Variants in DYNC1H1 observed in about 807,000 individuals in gnomAD.
DYNC1H1 encodes the protein cytoplasmic dynein 1 heavy chain 1.
In DYNC1H1, 51 loss-of-function variants were observed where a neutral mutation model predicts 527.1. The observed-to-expected ratio is 0.10, with a 90% confidence interval of 0.08 to 0.12. The LOEUF (loss-of-function observed/expected upper bound fraction) is 0.12, where lower values mean the gene tolerates loss of function less well. Ranked by LOEUF, DYNC1H1 falls within the 10% of genes least tolerant of loss-of-function variation. The pLI is 1.00. For missense variants in DYNC1H1, 2,771 were observed against 5,971.8 expected (o/e 0.46, Z 17.66); for synonymous variants, 2,189 against 2,278.8 (o/e 0.96, Z 1.12).
rs1368000697 is a variant in DYNC1H1 at position 102,038,097 on chromosome 14, C to T, written c.10909-363C>T. On this transcript the variant is annotated intron_variant, in intron 57 of 77. Coordinates refer to ENST00000360184, the MANE Select transcript of DYNC1H1 (RefSeq NM_001376.5). The surrounding 1 kb of genome is among the most constrained non-coding windows in gnomAD (Gnocchi z 7.2). ...CCAGGTTCAAGCAATTCTGTCTCAG[C>T]CTCCCAGGTAGCTGGGACTACAGGC... 8.5e-6 allele frequency: 3 copies of T among 352,634 alleles called. No homozygotes were observed. The Admixed American group carries it at 1.2e-4, about 14-fold the overall frequency. The allele number at this position is 352,634 out of a possible 1,614,324, so 21.8% of individuals were successfully genotyped here. A position where few individuals can be genotyped will look rare whatever the true frequency, so the allele number is the denominator to read the frequency against.
chr14:102,032,560 C>G lies in DYNC1H1; in HGVS notation c.10079+93C>G, dbSNP rs17541394. The G allele has an allele frequency of 2.8e-3, 4,239 of 1,529,238 alleles. 111 individuals are homozygous for G. In the African/African-American group the frequency reaches 0.052, roughly 19 times the overall value. 94.7% of individuals were successfully genotyped at this position (1,529,238 alleles called of 1,614,324 possible). On this transcript the variant is annotated intron_variant, in intron 52 of 77. Coordinates refer to ENST00000360184, the MANE Select transcript of DYNC1H1 (RefSeq NM_001376.5). Reference sequence around the variant, plus strand: ...CTCACGCCTCCAATCCCAGAACTTTCGGCTGTTCAGGCCAGGCACAGTGGC... The same window carrying G: ...CTCACGCCTCCAATCCCAGAACTTTGGGCTGTTCAGGCCAGGCACAGTGGC...
rs2048271825 is a variant in DYNC1H1, at chr14:102,012,738, A to AT, written c.7014+269dup. On this transcript the variant is annotated intron_variant, in intron 34 of 77. Transcript: ENST00000360184. This position sits in a 1 kb window ranked among gnomAD's most constrained non-coding sequence, Gnocchi z 4.9. ...CTCTATGATTATCAGTTAACCCTGTATGGTGGGGTTGTCGTTAAGGTTTCT... is the reference window on the plus strand; with the variant it reads ...CTCTATGATTATCAGTTAACCCTGTATTGGTGGGGTTGTCGTTAAGGTTTCT... 6.0e-6 allele frequency: 3 copies of AT among 500,388 alleles called. No individual in the cohort carries two copies. In the Admixed American group the frequency reaches 9.8e-5, roughly 16 times the overall value. 31.0% of individuals were successfully genotyped at this position (500,388 alleles called of 1,614,324 possible).
At chr14:101,998,661 GT>G (rs1372413058) in intron 16 of DYNC1H1, among the ~76,000 whole-genome samples, 3 of 151,988 alleles carry the variant, frequency 2.0e-5, no homozygotes, top group African/African-American at 7.3e-5. Context: ...GCCTGTAACC[GT>G]TTCCGTGCTG....
In DYNC1H1 at chr14:102,047,598, T is replaced by TAC. The variant is rs1358688328; in HGVS notation, c.13007-215_13007-214dup. The TAC allele has an allele frequency of 1.3e-4, 50 of 374,932 alleles. 1 individual carries two copies. The highest frequency in any genetic ancestry group is 1.0e-3 in the African/African-American group (44 of 43,046). 23.2% of individuals were successfully genotyped at this position (374,932 alleles called of 1,614,324 possible). ...ATACATACACATACGTATATATATA[T>TAC]ACACATATATGTATATATACACGTG... On this transcript the variant is annotated intron_variant, in intron 72 of 77. Transcript: ENST00000360184.
chr14:102,031,437 A>G (rs2048509369), intron 51 of DYNC1H1, among the ~76,000 whole-genome samples: 1 of 151,880 alleles, frequency 6.6e-6, no homozygotes, highest in African/African-American at 2.4e-5. Context: ...GTTTTGCCAT[A>G]TTGCCCAGGC....
At chr14:101,993,578 C>T (rs764275209) in intron 11 of DYNC1H1, among the ~76,000 whole-genome samples, 3 of 152,134 alleles carry the variant, frequency 2.0e-5, no homozygotes, top group Non-Finnish European at 4.4e-5. Context: ...GACTCTTGCC[C>T]CTGCGCCTTC....
Position 102,042,114 on chromosome 14 carries a change from A to G in DYNC1H1, c.12204A>G (p.Ser4068=). The G allele has an allele frequency of 6.2e-7, 1 of 1,614,052 alleles. No individual in the cohort carries two copies. The highest frequency in any genetic ancestry group is 8.5e-7 in the Non-Finnish European group (1 of 1,180,010). ...LAAEQNTQIT[S]IAIGSAEGFN... ...CCGAGCAGAACACGCAGATCACTTC[A>G]ATTGCAATCGGTAAGGATGCTTGAG... Residue 4068 remains serine, a synonymous_variant, in exon 66 of 78, where the codon TCA becomes TCG. Transcript: ENST00000360184. This position sits in a 1 kb window ranked among gnomAD's most constrained non-coding sequence, Gnocchi z 5.7.
intron 27 of DYNC1H1, 119 bp downstream of exon 27, chr14:102,006,289 C>T: frequency 6.9e-7 from 1 of 1,453,506 alleles, no homozygotes; most frequent in Non-Finnish European, 9.3e-7. Flanking sequence ...GGCTGGAGCA[C>T]AGTGGTGCGA....
chr14:102,007,623 G>A (rs917057060), intron 28 of DYNC1H1, among the ~76,000 whole-genome samples: 1 of 152,150 alleles, frequency 6.6e-6, no homozygotes, highest in Admixed American at 6.5e-5. Flanking sequence ...GTGGGAGTAG[G>A]TAGTAGTATT....
At chr14:102,013,272 A>G (rs74378930) in intron 34 of DYNC1H1, among the ~76,000 whole-genome samples, 2 of 150,274 alleles carry the variant, frequency 1.3e-5, no homozygotes, top group Admixed American at 1.3e-4. Context: ...AAAAAAAAAA[A>G]GGCAGGAAGA....
rs772273151 is a variant in DYNC1H1, at chr14:101,986,779, A to G, written c.2538+16A>G. ...CCAAGAAAAGGTATGCTCTCATGTA[A>G]TCCTCAGGTGTCCTGGTAACGAATG... On this transcript the variant is annotated intron_variant, in intron 8 of 77. Transcript: ENST00000360184. The surrounding 1 kb of genome is among the most constrained non-coding windows in gnomAD (Gnocchi z 8.7). 6.2e-7 allele frequency: 1 copy of G among 1,613,814 alleles called. No homozygotes were observed. Among genetic ancestry groups the G allele is most frequent in the South Asian group, 1.1e-5 (1 of 91,060 alleles).
In DYNC1H1 at chr14:102,054,564, CTTTTTT is replaced by C. The variant is rs758458056; in HGVS notation, c.*4018_*4023del. The C allele has an allele frequency of 2.6e-5, 3 of 113,822 alleles. No individual in the cohort carries two copies. The highest frequency in any genetic ancestry group is 7.7e-5 in the African/African-American group (2 of 25,992). The allele number at this position is 113,822 out of a possible 1,614,324, so 7.1% of individuals were successfully genotyped here. ...CATCACCAACAGAGCCTTTGCAGAA[CTTTTTT>C]TTTTTTTTTTTTTTTTGAGACGGAG... On this transcript the variant is annotated 3_prime_UTR_variant, in exon 78 of 78. Coordinates refer to ENST00000360184, the MANE Select transcript of DYNC1H1 (RefSeq NM_001376.5).
Position 102,036,489 on chromosome 14 carries a change from G to A in DYNC1H1, c.10755G>A (p.Arg3585=). The A allele has an allele frequency of 2.5e-6, 4 of 1,613,592 alleles. No individual in the cohort carries two copies. Among genetic ancestry groups the A allele is most frequent in the Non-Finnish European group, 3.4e-6 (4 of 1,179,920 alleles). ...TTCTCTTCTGTGGCCTCATCCTCAGGTATCCGCTGATCATTGACCCCTCTG... is the reference window on the plus strand; with the variant it reads ...TTCTCTTCTGTGGCCTCATCCTCAGATATCCGCTGATCATTGACCCCTCTG... The part of the protein sequence containing the change: ...ENAIMLKRFN[R]YPLIIDPSGQ... Residue 3585 remains arginine (R), a splice_region_variant and synonymous_variant, in exon 57 of 78, where the codon AGG becomes AGA. Coordinates refer to ENST00000360184, the MANE Select transcript of DYNC1H1 (RefSeq NM_001376.5). The surrounding 1 kb of genome is among the most constrained non-coding windows in gnomAD (Gnocchi z 5.6).
intron 15 of DYNC1H1, among the ~76,000 whole-genome samples, chr14:101,995,560 G>A (rs1392989757): frequency 6.7e-6 from 1 of 149,112 alleles, no homozygotes; most frequent in Non-Finnish European, 1.5e-5. Flanking sequence ...GCAGTGAGCC[G>A]AAATTGTGCC....
At position 102,032,477 on chromosome 14, in the gene DYNC1H1, T is replaced by G. The variant is rs988658776; in HGVS notation, c.10079+10T>G. On this transcript the variant is annotated intron_variant, in intron 52 of 77. Transcript: ENST00000360184. ...CTGCAGAGGAGATCAGGTGAGAAAG[T>G]GGAAGTGCCAAGGTATTGCCAGAAA... The G allele has an allele frequency of 1.2e-6, 2 of 1,613,840 alleles. No homozygotes were observed. Among genetic ancestry groups the G allele is most frequent in the African/African-American group, 2.7e-5 (2 of 74,904 alleles).
chr14:102,029,914 C>T lies in DYNC1H1; in HGVS notation c.9738C>T (p.Asp3246=). ...ACAAGCTGAAAAAGATGGTGAAAGACCAGCAGGAGGCTGAAAAGAAGAAGG... is the reference window on the plus strand; with the variant it reads ...ACAAGCTGAAAAAGATGGTGAAAGATCAGCAGGAGGCTGAAAAGAAGAAGG... ...ANDKLKKMVK[D]QQEAEKKKVM... Residue 3246 remains aspartate, a synonymous_variant, in exon 50 of 78, where the codon GAC becomes GAT. Coordinates refer to ENST00000360184, the MANE Select transcript of DYNC1H1 (RefSeq NM_001376.5). This position sits in a 1 kb window ranked among gnomAD's most constrained non-coding sequence, Gnocchi z 5.3. 1 of 1,614,052 alleles carries T rather than the reference C, an allele frequency of 6.2e-7. No homozygotes were observed. Among genetic ancestry groups the T allele is most frequent in the Non-Finnish European group, 8.5e-7 (1 of 1,180,020 alleles).
chr14:101,983,495 G>A lies in DYNC1H1; in HGVS notation c.1347G>A (p.Val449=), dbSNP rs2047891743. ...KRKREENLKM[V]WRINPAHRKL... Reference sequence around the variant, plus strand: ...AAAGGGAAGAAAATCTGAAGATGGTGTGGCGTATCAACCCTGCCCACAGGA... The same window carrying A: ...AAAGGGAAGAAAATCTGAAGATGGTATGGCGTATCAACCCTGCCCACAGGA... Residue 449 remains valine (V), a synonymous_variant, in exon 7 of 78, where the codon GTG becomes GTA. Transcript: ENST00000360184. This position sits in a 1 kb window ranked among gnomAD's most constrained non-coding sequence, Gnocchi z 5.3. The A allele has an allele frequency of 1.2e-6, 2 of 1,614,166 alleles. No individual in the cohort carries two copies. The highest frequency in any genetic ancestry group is 1.7e-6 in the Non-Finnish European group (2 of 1,180,042).
Position 102,038,269 on chromosome 14 carries a change from G to GC in DYNC1H1, c.10909-190dup. ...GCTGGAATTACAGGCGTGAGCCACC[G>GC]CATCTGGCTGAGTTTTTAATTTTAG... On this transcript the variant is annotated intron_variant, in intron 57 of 77. Coordinates refer to ENST00000360184, the MANE Select transcript of DYNC1H1 (RefSeq NM_001376.5). This position sits in a 1 kb window ranked among gnomAD's most constrained non-coding sequence, Gnocchi z 7.2. 1.1e-6 allele frequency: 1 copy of GC among 935,608 alleles called. No individual in the cohort carries two copies. Among genetic ancestry groups the GC allele is most frequent in the Non-Finnish European group, 1.6e-6 (1 of 615,136 alleles). The allele number at this position is 935,608 out of a possible 1,614,324, so 58.0% of individuals were successfully genotyped here.
chr14:102,009,690 C>G (rs1159783086), intron 29 of DYNC1H1, 153 bp from the exon 30 acceptor site: 14 of 1,230,610 alleles, frequency 1.1e-5, no homozygotes, highest in Non-Finnish European at 1.5e-5. Context: ...TGGTGGTCCC[C>G]GAAGAAAGGC....
Sources: allele counts gnomAD v4.1 joint callset (sites outside exome capture counted in the v4.1 genomes callset), GRCh38; gene constraint gnomAD v4.1.1; non-coding constraint Gnocchi (gnomAD v3.1); transcripts MANE v1.5; gene names NCBI Gene and HGNC (gene_info 2026-07-23, HGNC 2026-07-21).